The following SLC12A3 variants were observed in gnomAD, a reference collection of about 807,000 sequenced individuals.
The protein encoded by SLC12A3 is Na-Cl cotransporter.
SLC12A3 carries 104 observed loss-of-function variants against 121.0 expected under a neutral mutation model. The ratio of observed to expected loss-of-function variants is 0.86; its 90% confidence interval spans 0.73 to 1.01. SLC12A3 has a LOEUF of 1.01. Among genes scored for constraint, SLC12A3 ranks in the 50% least tolerant of loss-of-function variants. SLC12A3 has a pLI of 0.00. For synonymous variants in SLC12A3, 536 were observed against 533.4 expected (o/e 1.00, Z -0.07); for missense variants, 1,328 against 1,356.3 (o/e 0.98, Z 0.33).
intron 20 of SLC12A3, among the ~76,000 whole-genome samples, chr16:56,892,707 T>A (rs2055405616): frequency 6.6e-6 from 1 of 152,102 alleles, no homozygotes; most frequent in Admixed American, 6.5e-5. Flanking sequence ...GAGAGTGCAC[T>A]TCCCTACCTA....
At chr16:56,896,475 T>C (rs1248017255) in intron 22 of SLC12A3, among the ~76,000 whole-genome samples, 2 of 152,194 alleles carry the variant, frequency 1.3e-5, no homozygotes, top group African/African-American at 2.4e-5. Context: ...CTGGGCACAG[T>C]GGCTCTGCCT....
intron 24 of SLC12A3, among the ~76,000 whole-genome samples, chr16:56,902,763 G>C (rs531530638): frequency 2.1e-5 from 3 of 144,746 alleles, no homozygotes; most frequent in Admixed American, 6.7e-5. Flanking sequence ...TTGACTGCCC[G>C]GAGTCCTCCT....
At position 56,904,476 on chromosome 16, in the gene SLC12A3, G is replaced by A. The variant is rs771868044; in HGVS notation, c.2924+14G>A. The A allele has an allele frequency of 7.4e-6, 12 of 1,612,300 alleles. No homozygotes were observed. The highest frequency in any genetic ancestry group is 2.7e-5 in the African/African-American group (2 of 74,880). On this transcript the variant is annotated intron_variant, in intron 25 of 25. Transcript: ENST00000563236. Reference sequence around the variant, plus strand: ...TCTCATCGTCATGTAAGTAGTGCCCGGCTGGTGGGAGGACCAGTCTGTCCA... The same window carrying A: ...TCTCATCGTCATGTAAGTAGTGCCCAGCTGGTGGGAGGACCAGTCTGTCCA...
At chr16:56,897,012 C>T (rs780818433) in intron 22 of SLC12A3, among the ~76,000 whole-genome samples, 14 of 151,686 alleles carry the variant, frequency 9.2e-5, no homozygotes, top group Admixed American at 8.6e-4. Flanking sequence ...GGATTATTTA[C>T]ACCTGGGAGG....
chr16:56,870,549 G>T, intron 5 of SLC12A3, 77 bp from the exon 6 acceptor site: 3 of 980,470 alleles, frequency 3.1e-6, no homozygotes, highest in South Asian at 1.3e-5. Context: ...CACAGGAGGT[G>T]CCTCCTAGGT....
In SLC12A3 at chr16:56,891,421, A is replaced by G. The variant is rs565612101; in HGVS notation, c.2369-662A>G. On this transcript the variant is annotated intron_variant, in intron 19 of 25. Coordinates refer to ENST00000563236, the MANE Select transcript of SLC12A3 (RefSeq NM_001126108.2). ...AAATATCTAGAGGTGTGAAAGCAAT[A>G]ACGTGTATGGCAACAAATGAGAGGC... is the stretch of plus-strand genomic sequence containing the variant. Among the ~76,000 whole-genome samples, 77 of 151,892 alleles carry G rather than the reference A, an allele frequency of 5.1e-4. No homozygotes were observed. The South Asian group carries it at 0.015, about 30-fold the overall frequency.
intron 25 of SLC12A3, among the ~76,000 whole-genome samples, chr16:56,907,323 T>C (rs2055621444): frequency 6.6e-6 from 1 of 152,134 alleles, no homozygotes; most frequent in Non-Finnish European, 1.5e-5. Context: ...CCAGGCTTGG[T>C]GGTGCACACC....
chr16:56,893,372 A>G lies in SLC12A3; in HGVS notation c.2521+318A>G, dbSNP rs181112562. Among the ~76,000 whole-genome samples, 287 of 152,356 alleles carry G rather than the reference A, an allele frequency of 1.9e-3. 2 individuals carry two copies. Among genetic ancestry groups the G allele is most frequent in the East Asian group, 9.6e-4 (5 of 5,190 alleles). ...CTGGAGGAATATTTTTCACTTCACA[A>G]TGAAATATAACCTCTCCCATTAAAA... On this transcript the variant is annotated intron_variant, in intron 21 of 25. Transcript: ENST00000563236.
intron 9 of SLC12A3, 108 bp downstream of exon 9, chr16:56,878,269 C>CT: frequency 1.2e-6 from 1 of 848,616 alleles, no homozygotes; most frequent in Non-Finnish European, 2.0e-6. Context: ...GTTCGACTCT[C>CT]TAACAACAGG....
chr16:56,888,653 G>A (rs1342305410), intron 18 of SLC12A3, among the ~76,000 whole-genome samples: 2 of 142,212 alleles, frequency 1.4e-5, no homozygotes, highest in Non-Finnish European at 3.0e-5. Flanking sequence ...CCGCCTCCCG[G>A]GTTCACGCCA....
rs553565960 is a variant in SLC12A3, at chr16:56,870,286, C to T, written c.741+51C>T. 290 of 1,584,706 alleles carry T rather than the reference C, an allele frequency of 1.8e-4. 3 individuals are homozygous for T. The South Asian group carries it at 3.1e-3, about 17-fold the overall frequency. ...GTAGAGGGATCCGGGCAGCCCATTG[C>T]ACTCTCCTCCGCCCCATCTGGGCTG... On this transcript the variant is annotated intron_variant, in intron 5 of 25. Transcript: ENST00000563236.
intron 6 of SLC12A3, among the ~76,000 whole-genome samples, chr16:56,871,943 G>A (rs752097363): frequency 1.3e-5 from 2 of 151,536 alleles, no homozygotes; most frequent in Non-Finnish European, 2.9e-5. Flanking sequence ...GGCTGATCTC[G>A]AACTCCTGAC....
At chr16:56,890,418 C>A in intron 19 of SLC12A3, 62 bp downstream of exon 19, 2 of 1,371,622 alleles carry the variant, frequency 1.5e-6, no homozygotes, top group Non-Finnish European at 2.1e-6. Flanking sequence ...TTTTAAATGG[C>A]AGAGGGAAAA....
At chr16:56,878,308 C>T in intron 9 of SLC12A3, 147 bp downstream of exon 9, 1 of 673,946 alleles carries the variant, frequency 1.5e-6, no homozygotes, top group Non-Finnish European at 2.7e-6. Context: ...GTGTGGCGAC[C>T]TTAGGATGTG....
chr16:56,902,297 C>T, intron 23 of SLC12A3, 76 bp from the exon 24 acceptor site: 2 of 1,573,260 alleles, frequency 1.3e-6, no homozygotes, highest in South Asian at 1.1e-5. Context: ...ACACTGCCAG[C>T]TCCCCGCAGG....
At chr16:56,866,476 G>T (rs1259721824) in intron 1 of SLC12A3, among the ~76,000 whole-genome samples, 1 of 152,166 alleles carries the variant, frequency 6.6e-6, no homozygotes, top group African/African-American at 2.4e-5. Flanking sequence ...GTAGAGGCCT[G>T]GTTTCAAGAC....
chr16:56,878,545 A>T (rs921957546), intron 9 of SLC12A3, among the ~76,000 whole-genome samples: 27 of 152,024 alleles, frequency 1.8e-4, no homozygotes, highest in Admixed American at 1.6e-3. Flanking sequence ...CAGTCCTATC[A>T]TTGTCATTTT....
In SLC12A3 at chr16:56,884,221, CG is replaced by C; in HGVS notation, c.1825+21del. Reference sequence around the variant, plus strand: ...AGAAGCCAGGTGCGCATCTCAGCTGCGGGGCCTCGGCCCTCCTCCCCCAGGG... The same window carrying C: ...AGAAGCCAGGTGCGCATCTCAGCTGCGGGCCTCGGCCCTCCTCCCCCAGGG... On this transcript the variant is annotated intron_variant, in intron 14 of 25. Coordinates refer to ENST00000563236, the MANE Select transcript of SLC12A3 (RefSeq NM_001126108.2). 1.2e-6 allele frequency: 2 copies of C among 1,613,502 alleles called. No homozygotes were observed. Among genetic ancestry groups the C allele is most frequent in the Non-Finnish European group, 1.7e-6 (2 of 1,179,794 alleles).
intron 8 of SLC12A3, among the ~76,000 whole-genome samples, chr16:56,877,352 T>C (rs191444600): frequency 0.051 from 7,742 of 151,664 alleles, 240 homozygotes; most frequent in African/African-American, 0.061. Flanking sequence ...GCCGAGATCA[T>C]GCCACTGCAC....
Sources: gnomAD v4.1 joint callset for allele counts (sites outside exome capture counted in the v4.1 genomes callset) on GRCh38, gnomAD v4.1.1 for gene constraint, MANE v1.5 for transcripts, NCBI Gene and HGNC (gene_info 2026-07-23, HGNC 2026-07-21) for gene names.